The following KIAA0825 variants were observed in gnomAD, a reference collection of about 807,000 sequenced individuals.
KIAA0825 encodes the protein uncharacterized protein KIAA0825.
A neutral mutation model predicts 147.6 loss-of-function variants in KIAA0825; 119 were observed. The ratio of observed to expected loss-of-function variants is 0.81; its 90% CI spans 0.69 to 0.94. The LOEUF (loss-of-function observed/expected upper bound fraction) is 0.94. Among genes scored for constraint, KIAA0825 ranks in the 40% least tolerant of loss-of-function variants. The probability of loss-of-function intolerance (pLI) is 0.00; values close to 1 mark genes in which losing one functional copy is unlikely to be tolerated. For synonymous variants in KIAA0825, 470 were observed against 518.1 expected, an observed-to-expected ratio of 0.91 and a Z score of 1.26; for missense variants, 1,381 against 1,472.7, an observed-to-expected ratio of 0.94 and a Z score of 1.02.
intron 20 of KIAA0825, among the ~76,000 whole-genome samples, chr5:94,300,096 C>A (rs1053603879): frequency 6.6e-6 from 1 of 151,922 alleles, no homozygotes; most frequent in Non-Finnish European, 1.5e-5. Flanking sequence ...CATAATATCT[C>A]ACCTAATACA....
At chr5:94,264,719 C>T (rs1776661809) in intron 20 of KIAA0825, among the ~76,000 whole-genome samples, 1 of 151,774 alleles carries the variant, frequency 6.6e-6, no homozygotes, top group African/African-American at 2.4e-5. Flanking sequence ...AGGTTGTGTA[C>T]TAATTTTGCA....
intron 1 of KIAA0825, among the ~76,000 whole-genome samples, chr5:94,613,446 G>A (rs976837697): frequency 7.2e-5 from 11 of 152,262 alleles, no homozygotes; most frequent in South Asian, 6.2e-4. Flanking sequence ...AGATCCGCCC[G>A]CATTGGCCTC....
At chr5:94,484,231 G>A (rs1162944347) in intron 6 of KIAA0825, among the ~76,000 whole-genome samples, 1 of 151,544 alleles carries the variant, frequency 6.6e-6, no homozygotes, top group Admixed American at 6.6e-5. Context: ...TGATATACTA[G>A]ACATTTTCTT....
At chr5:94,437,308 A>G (rs1417059042) in intron 14 of KIAA0825, among the ~76,000 whole-genome samples, 2 of 152,316 alleles carry the variant, frequency 1.3e-5, no homozygotes, top group East Asian at 1.9e-4. Context: ...CAAGAATTCT[A>G]TTGGAGATTA....
intron 2 of KIAA0825, among the ~76,000 whole-genome samples, chr5:94,538,501 A>G (rs1198105948): frequency 6.6e-6 from 1 of 152,230 alleles, no homozygotes; most frequent in African/African-American, 2.4e-5. Flanking sequence ...AAATGCTGCC[A>G]CTGGCTGGGC....
At chr5:94,534,166 TG>T (rs1771503346) in intron 3 of KIAA0825, among the ~76,000 whole-genome samples, 1 of 152,194 alleles carries the variant, frequency 6.6e-6, no homozygotes, top group African/African-American at 2.4e-5. Context: ...TGTACACTAC[TG>T]GGAGATAAAT....
At chr5:94,226,845 A>AGAT (rs1266649028) in intron 20 of KIAA0825, among the ~76,000 whole-genome samples, 1 of 152,068 alleles carries the variant, frequency 6.6e-6, no homozygotes, top group Non-Finnish European at 1.5e-5. Flanking sequence ...AACCACAATG[A>AGAT]GATACCATCT....
rs189425902 is a variant in KIAA0825, at chr5:94,271,681, A to T, written c.3710+112687T>A. 7.5e-4 allele frequency among the ~76,000 whole-genome samples: 114 copies of T among 152,296 alleles called. 1 individual carries two copies. Among genetic ancestry groups the T allele is most frequent in the African/African-American group, 2.6e-3 (110 of 41,566 alleles). On this transcript the variant is annotated intron_variant, in intron 20 of 20. Coordinates refer to ENST00000682413, the MANE Select transcript of KIAA0825 (RefSeq NM_001145678.3). ...GAGAATCGTTGAACCTGGGAGGCAG[A>T]GGTTGCAGTGAGCTGAGACCAGGCC...
chr5:94,170,095 C>T (rs547798096), intron 20 of KIAA0825, among the ~76,000 whole-genome samples: 3 of 152,228 alleles, frequency 2.0e-5, no homozygotes, highest in Admixed American at 2.0e-4. Flanking sequence ...GTCAGGAGAT[C>T]AAGACCATCC....
intron 18 of KIAA0825, among the ~76,000 whole-genome samples, chr5:94,387,263 A>T (rs1296623364): frequency 6.6e-6 from 1 of 152,188 alleles, no homozygotes; most frequent in Non-Finnish European, 1.5e-5. Context: ...GTTAGAGCCA[A>T]AAAGGTATTC....
chr5:94,429,314 T>C (rs1755329056), intron 14 of KIAA0825, among the ~76,000 whole-genome samples: 1 of 152,212 alleles, frequency 6.6e-6, no homozygotes, highest in Admixed American at 6.5e-5. Context: ...TCTGGAGATG[T>C]TGGCATTTCT....
chr5:94,611,962 CA>C, intron 1 of KIAA0825: 1 of 151,734 alleles, frequency 6.6e-6, no homozygotes, highest in Non-Finnish European at 1.5e-5. Flanking sequence ...AACAAACAAA[CA>C]AAAAAAGATT....
rs566211749 is a variant in KIAA0825 at position 94,584,890 on chromosome 5, A to C, written c.-152-2307T>G. On this transcript the variant is annotated intron_variant, in intron 1 of 20. Transcript: ENST00000682413. ...AAGAGAGTGGGGGCCAAAATTCAAC[A>C]TGCTTAAAGAAAATAATTTTCAACC... 4.1e-4 allele frequency among the ~76,000 whole-genome samples: 62 copies of C among 152,334 alleles called. 1 individual carries two copies. In the South Asian group the frequency reaches 8.5e-3, roughly 21 times the overall value.
At chr5:94,401,204 T>G (rs1306514047) in intron 16 of KIAA0825, among the ~76,000 whole-genome samples, 3 of 151,966 alleles carry the variant, frequency 2.0e-5, no homozygotes, top group Non-Finnish European at 4.4e-5. Flanking sequence ...ATCAACAAAA[T>G]ATATGGGAAG....
In KIAA0825 at chr5:94,275,003, C is replaced by T. The variant is rs1473824237; in HGVS notation, c.3710+109365G>A. On this transcript the variant is annotated intron_variant, in intron 20 of 20. Transcript: ENST00000682413. Reference sequence around the variant, plus strand: ...TATAGGGGTGGGAGAAGTGATTTGTCAAAGTAGAGGTACTGTGCTATTGCC... The same window carrying T: ...TATAGGGGTGGGAGAAGTGATTTGTTAAAGTAGAGGTACTGTGCTATTGCC... 2.0e-5 allele frequency among the ~76,000 whole-genome samples: 3 copies of T among 152,186 alleles called. 1 individual carries two copies. The South Asian group carries it at 6.2e-4, about 32-fold the overall frequency.
At chr5:94,249,363 G>T (rs1364188310) in intron 20 of KIAA0825, among the ~76,000 whole-genome samples, 1 of 151,972 alleles carries the variant, frequency 6.6e-6, no homozygotes, top group African/African-American at 2.4e-5. Context: ...TTATTTTGCT[G>T]CCTGCTACAA....
chr5:94,610,866 T>C (rs1019529955), intron 1 of KIAA0825, among the ~76,000 whole-genome samples: 2 of 149,740 alleles, frequency 1.3e-5, no homozygotes, highest in African/African-American at 2.5e-5. Flanking sequence ...TCGTCTATAT[T>C]ACAAAAATTC....
rs142086504 is a variant in KIAA0825, at chr5:94,486,948, A to C, written c.971-2018T>G. On this transcript the variant is annotated intron_variant, in intron 5 of 20. Transcript: ENST00000682413. ...AAAGGCCGCTCAATAGTTTCACTAGAAATTAAGCATGTTTAAGAAGTCTTT... is the reference window on the plus strand; with the variant it reads ...AAAGGCCGCTCAATAGTTTCACTAGCAATTAAGCATGTTTAAGAAGTCTTT... Among the ~76,000 whole-genome samples the C allele has an allele frequency of 4.7e-3, 722 of 152,332 alleles. 5 individuals carry two copies. The highest frequency in any genetic ancestry group is 0.016 in the African/African-American group (650 of 41,580).
At chr5:94,456,287 T>C (rs148630830) in intron 12 of KIAA0825, among the ~76,000 whole-genome samples, 4 of 152,300 alleles carry the variant, frequency 2.6e-5, no homozygotes, top group Non-Finnish European at 5.9e-5. Flanking sequence ...ATGAATACCT[T>C]ACCTAGATGA....
Sources: gnomAD v4.1 joint callset for allele counts (sites outside exome capture counted in the v4.1 genomes callset) on GRCh38, gnomAD v4.1.1 for gene constraint, MANE v1.5 for transcripts, NCBI Gene and HGNC (gene_info 2026-07-23, HGNC 2026-07-21) for gene names.